Variants in IRF8 observed in about 807,000 individuals in gnomAD.
IRF8 encodes interferon regulatory factor 8, also known as interferon consensus sequence binding protein 1.
Under a neutral mutation model 48.7 loss-of-function variants are expected in IRF8, and 14 were observed. The ratio of observed to expected loss-of-function variants is 0.29; its 90% CI spans 0.19 to 0.45. The LOEUF is 0.45. Ranked by LOEUF, IRF8 falls within the 20% of genes least tolerant of loss-of-function variation. The probability of loss-of-function intolerance (pLI) is 1.00; values close to 1 mark genes in which losing one functional copy is unlikely to be tolerated. For synonymous variants in IRF8, 278 were observed against 227.3 expected, an observed-to-expected ratio of 1.22 and a Z score of -2.01; for missense variants, 493 against 580.7, an observed-to-expected ratio of 0.85 and a Z score of 1.55.
intron 4 of IRF8, among the ~76,000 whole-genome samples, chr16:85,912,270 G>T (rs1905168300): frequency 6.6e-6 from 1 of 152,246 alleles, no homozygotes; most frequent in African/African-American, 2.4e-5. Flanking sequence ...CTATTGGGAT[G>T]CCCTTTTCTT....
Position 85,902,859 on chromosome 16 carries a change from T to G in IRF8, c.-1-156T>G, listed in dbSNP as rs77459160. 1.9e-3 allele frequency: 1,501 copies of G among 779,064 alleles called. 19 individuals are homozygous for G. In the African/African-American group the frequency reaches 0.021, roughly 11 times the overall value. The allele number at this position is 779,064 out of a possible 1,614,324, so 48.3% of individuals were successfully genotyped here. On this transcript the variant is annotated intron_variant, in intron 1 of 8. Transcript: ENST00000268638. The stretch of plus-strand genomic sequence containing the variant: ...GGTCATGGAGGCCAGCATTGCCTTC[T>G]CATGGCAGGTGTCCCGGAGTCCCTG...
intron 1 of IRF8, chr16:85,902,621 C>T (rs1213192296): frequency 2.0e-5 from 6 of 294,778 alleles, no homozygotes; most frequent in Non-Finnish European, 4.0e-5. Flanking sequence ...ATGGGCTGCT[C>T]AGTGAAGGAA....
chr16:85,902,861 A>G, intron 1 of IRF8, 154 bp from the exon 2 acceptor site: 1 of 786,482 alleles, frequency 1.3e-6, no homozygotes, highest in South Asian at 1.4e-5. Flanking sequence ...TTGCCTTCTC[A>G]TGGCAGGTGT....
intron 4 of IRF8, 95 bp from the exon 5 acceptor site, chr16:85,913,036 A>T: frequency 2.2e-6 from 2 of 915,030 alleles, no homozygotes; most frequent in African/African-American, 1.6e-5. Context: ...ATATGGTTTT[A>T]CTTACACATG....
At position 85,904,614 on chromosome 16, in the gene IRF8, C is replaced by T. The variant is rs144172141; in HGVS notation, c.174+1425C>T. 3.9e-5 allele frequency among the ~76,000 whole-genome samples: 6 copies of T among 152,104 alleles called. No homozygotes were observed. In the East Asian group the frequency reaches 5.8e-4, roughly 15 times the overall value. ...TGAGAATCTGATGCCCATTACTGAC[C>T]ACGCCAAGGAATATGGGGACAAGGG... is the stretch of plus-strand genomic sequence containing the variant. On this transcript the variant is annotated intron_variant, in intron 2 of 8. Transcript: ENST00000268638.
At chr16:85,914,269 A>C in intron 5 of IRF8, 1 of 628,192 alleles carries the variant, frequency 1.6e-6, no homozygotes, top group Non-Finnish European at 2.9e-6. Flanking sequence ...CCGACTTGCC[A>C]CTCTGGTTTT....
At chr16:85,912,600 T>G (rs914652759) in intron 4 of IRF8, among the ~76,000 whole-genome samples, 2 of 152,250 alleles carry the variant, frequency 1.3e-5, no homozygotes, top group African/African-American at 4.8e-5. Context: ...AAGGCTTTTC[T>G]GCTGACTCAG....
At position 85,918,560 on chromosome 16, in the gene IRF8, C is replaced by G. The variant is rs772597014; in HGVS notation, c.745C>G (p.Leu249Val). ...TKLYGPEGLE[L>V]VRFPPADAIP... ...GCTGTATGGGCCCGAGGGCCTGGAG[C>G]TGGTGCGCTTCCCGCCGGCCGACGC... Residue 249 changes from leucine to valine, a missense_variant, in exon 7 of 9, where the codon CTG becomes GTG. Leu to Val is a conservative substitution (Grantham distance 32, BLOSUM62 1). Around this residue, in one of 3 missense-constraint regions of IRF8, gnomAD observed 408 missense variants for 449.6 expected, o/e 0.91. Transcript: ENST00000268638. 1 of 1,604,080 alleles carries G rather than the reference C, an allele frequency of 6.2e-7. No homozygotes were observed. Among genetic ancestry groups the G allele is most frequent in the Non-Finnish European group, 8.5e-7 (1 of 1,179,198 alleles).
At position 85,922,396 on chromosome 16, in the gene IRF8, TC is replaced by T. The variant is rs1193156999; in HGVS notation, c.*1117del. 2 of 152,364 alleles carry T rather than the reference TC, an allele frequency of 1.3e-5. No homozygotes were observed. The highest frequency in any genetic ancestry group is 2.9e-5 in the Non-Finnish European group (2 of 68,042). 9.4% of individuals were successfully genotyped at this position (152,364 alleles called of 1,614,324 possible). A position where few individuals can be genotyped will look rare whatever the true frequency, so the allele number is the denominator to read the frequency against. ...GGAGAGGACCAGGGGACGTGGCTTGTCCCTTTTGTCCAACAAAGCATTATAT... is the reference window on the plus strand; with the variant it reads ...GGAGAGGACCAGGGGACGTGGCTTGTCCTTTTGTCCAACAAAGCATTATAT... On this transcript the variant is annotated 3_prime_UTR_variant, in exon 9 of 9. Coordinates refer to ENST00000268638, the MANE Select transcript of IRF8 (RefSeq NM_002163.4).
chr16:85,908,757 G>C (rs1368506590), intron 2 of IRF8, among the ~76,000 whole-genome samples: 2 of 152,202 alleles, frequency 1.3e-5, no homozygotes, highest in African/African-American at 4.8e-5. Flanking sequence ...TGACTCAGCT[G>C]TATGAACCTG....
rs1201881101 is a variant in IRF8 at position 85,914,121 on chromosome 16, C to T, written c.554-352C>T. 9 of 349,310 alleles carry T rather than the reference C, an allele frequency of 2.6e-5. No homozygotes were observed. In the Admixed American group the frequency reaches 3.5e-4, roughly 14 times the overall value. 21.6% of individuals were successfully genotyped at this position (349,310 alleles called of 1,614,324 possible). A position where few individuals can be genotyped will look rare whatever the true frequency, so the allele number is the denominator to read the frequency against. The stretch of plus-strand genomic sequence containing the variant: ...GCTAGCTTGCACCCCCAGGCTCTCC[C>T]CCAGAGATAAGCCCTGGGTGGTGGG... On this transcript the variant is annotated intron_variant, in intron 5 of 8. Transcript: ENST00000268638.
intron 6 of IRF8, among the ~76,000 whole-genome samples, chr16:85,918,032 AGTGCCCTTGG>A (rs2143041924): frequency 6.6e-6 from 1 of 152,364 alleles, no homozygotes; most frequent in East Asian, 1.9e-4. Flanking sequence ...AGCAGACCGC[AGTGCCCTTGG>A]CAGTGCCTAT....
At position 85,920,403 on chromosome 16, in the gene IRF8, C is replaced by T. The variant is rs142244928; in HGVS notation, c.1104+179C>T. 4.3e-4 allele frequency among the ~76,000 whole-genome samples: 65 copies of T among 152,186 alleles called. 1 individual carries two copies. In the East Asian group the frequency reaches 9.7e-3, roughly 23 times the overall value. Reference sequence around the variant, plus strand: ...CTGGGACTACAGGCCCGTGCCACCACGCTCAGCTAATTTTTTGTATTTTTA... The same window carrying T: ...CTGGGACTACAGGCCCGTGCCACCATGCTCAGCTAATTTTTTGTATTTTTA... On this transcript the variant is annotated intron_variant, in intron 8 of 8. Coordinates refer to ENST00000268638, the MANE Select transcript of IRF8 (RefSeq NM_002163.4).
intron 2 of IRF8, 24 bp from the exon 3 acceptor site, chr16:85,908,966 A>T (rs900666057): frequency 1.2e-6 from 2 of 1,608,306 alleles, no homozygotes; most frequent in Non-Finnish European, 1.7e-6. Flanking sequence ...CATGAATTTA[A>T]TGTGCTTCTG....
chr16:85,910,658 A>T (rs987487325), intron 3 of IRF8, among the ~76,000 whole-genome samples: 1 of 152,116 alleles, frequency 6.6e-6, no homozygotes, highest in African/African-American at 2.4e-5. Flanking sequence ...AAGCAGCAGG[A>T]GGTTCTCAGG....
chr16:85,902,536 C>G (rs138703546), intron 1 of IRF8, among the ~76,000 whole-genome samples: 1 of 152,224 alleles, frequency 6.6e-6, no homozygotes, highest in South Asian at 2.1e-4. Flanking sequence ...CTTTCCCAGA[C>G]GGCACGGACG....
At chr16:85,913,505 G>C (rs1474028965) in intron 5 of IRF8, among the ~76,000 whole-genome samples, 2 of 151,396 alleles carry the variant, frequency 1.3e-5, no homozygotes, top group Admixed American at 6.6e-5. Flanking sequence ...CTCTCCCCAC[G>C]CTCCTGGGAA....
intron 2 of IRF8, among the ~76,000 whole-genome samples, chr16:85,903,995 A>C (rs886470844): frequency 2.6e-5 from 4 of 152,206 alleles, no homozygotes; most frequent in Admixed American, 2.0e-4. Context: ...AGATTCAGAC[A>C]GAGGAACCAG....
intron 7 of IRF8, 39 bp downstream of exon 7, chr16:85,918,842 A>G: frequency 6.2e-7 from 1 of 1,600,594 alleles, no homozygotes; most frequent in Non-Finnish European, 8.5e-7. Context: ...CACATCTTAG[A>G]GATCACGCCT....
Sources: gnomAD v4.1 joint callset for allele counts (sites outside exome capture counted in the v4.1 genomes callset) on GRCh38, gnomAD v4.1.1 for gene constraint, gnomAD v4.1.1 regional missense constraint, MANE v1.5 for transcripts, NCBI Gene and HGNC (gene_info 2026-07-23, HGNC 2026-07-21) for gene names.